Variants in CNTN5 observed in about 807,000 individuals in gnomAD.
The protein encoded by CNTN5 is contactin-5.
In CNTN5, 77 loss-of-function variants were observed where a neutral mutation model predicts 129.1. That is an observed-to-expected ratio of 0.60 (90% CI 0.50 to 0.72). The LOEUF (loss-of-function observed/expected upper bound fraction) is 0.72, where lower values mean the gene tolerates loss of function less well. Ranked by LOEUF, CNTN5 falls within the 30% of genes least tolerant of loss-of-function variation. The pLI is 0.00. For synonymous variants in CNTN5, 509 were observed against 465.6 expected (o/e 1.09, Z -1.20); for missense variants, 1,478 against 1,328.8 (o/e 1.11, Z -1.75).
intron 8 of CNTN5, among the ~76,000 whole-genome samples, chr11:99,992,067 A>C (rs1276273142): frequency 6.6e-6 from 1 of 152,226 alleles, no homozygotes; most frequent in African/African-American, 2.4e-5. Context: ...ACAGATATGA[A>C]GTATGGTTGG....
At chr11:99,859,286 G>T (rs112760499) in intron 6 of CNTN5, among the ~76,000 whole-genome samples, 7,598 of 152,160 alleles carry the variant, frequency 0.05, 242 homozygotes, top group Middle Eastern at 0.1. Flanking sequence ...TGAACTTAAC[G>T]TATGTAATAT....
intron 2 of CNTN5, among the ~76,000 whole-genome samples, chr11:99,399,469 A>T (rs1227913010): frequency 6.6e-6 from 1 of 151,772 alleles, no homozygotes; most frequent in African/African-American, 2.4e-5. Context: ...TATTAAAATT[A>T]ATTTTTAAAG....
At chr11:99,593,863 A>G (rs1950049225) in intron 3 of CNTN5, among the ~76,000 whole-genome samples, 1 of 152,190 alleles carries the variant, frequency 6.6e-6, no homozygotes, top group Non-Finnish European at 1.5e-5. Context: ...TCTCTTTCTT[A>G]TTCCCAGTGT....
chr11:100,241,949 C>T (rs1037109989), intron 16 of CNTN5, among the ~76,000 whole-genome samples: 39 of 152,172 alleles, frequency 2.6e-4, no homozygotes, highest in Non-Finnish European at 3.1e-4. Context: ...TTCCCCAAAA[C>T]AGTCCTACAG....
chr11:100,287,877 A>G (rs1011770072), intron 18 of CNTN5, among the ~76,000 whole-genome samples: 5 of 152,146 alleles, frequency 3.3e-5, no homozygotes, highest in Admixed American at 1.3e-4. Flanking sequence ...CACGTGCAGA[A>G]ACACACACAG....
At chr11:99,233,427 A>T (rs1861105464) in intron 1 of CNTN5, among the ~76,000 whole-genome samples, 2 of 152,180 alleles carry the variant, frequency 1.3e-5, no homozygotes, top group South Asian at 4.1e-4. Flanking sequence ...GTGATTTAGG[A>T]GGCACACAGG....
At chr11:100,308,645 G>T in intron 21 of CNTN5, 177 bp downstream of exon 21, 1 of 1,305,488 alleles carries the variant, frequency 7.7e-7, no homozygotes, top group Non-Finnish European at 9.8e-7. Flanking sequence ...TCATTAACTG[G>T]TTTATTTTTC....
At chr11:99,907,629 G>A (rs1050017222) in intron 6 of CNTN5, among the ~76,000 whole-genome samples, 1 of 151,166 alleles carries the variant, frequency 6.6e-6, no homozygotes, top group Non-Finnish European at 1.5e-5. Context: ...CACTATAAAA[G>A]GCTTTAAAAT....
chr11:99,100,199 A>G (rs1458424980), intron 1 of CNTN5, among the ~76,000 whole-genome samples: 1 of 152,076 alleles, frequency 6.6e-6, no homozygotes, highest in East Asian at 1.9e-4. Context: ...TTTTTTCTAC[A>G]TGTGGTTTAA....
intron 1 of CNTN5, among the ~76,000 whole-genome samples, chr11:99,153,815 C>CTTTTTTTTTTTTTTTTTTTT (rs60782977): frequency 1.9e-5 from 2 of 103,344 alleles, no homozygotes; most frequent in Non-Finnish European, 3.6e-5. Context: ...CTTTGAATGG[C>CTTTTTTTTTTTTTTTTTTTT]TTTTTTTTTT....
rs966961619 is a variant in CNTN5, at chr11:100,309,593, C to G, written c.2730+1125C>G. On this transcript the variant is annotated intron_variant, in intron 21 of 24. Transcript: ENST00000524871. ...TTTAATGTGATGAATATTTCTGTTT[C>G]TCCCAATCCATGCTTCAGGGACCAT... The G allele has an allele frequency of 3.1e-6, 3 of 983,256 alleles. No homozygotes were observed. The African/African-American group carries it at 5.3e-5, about 17-fold the overall frequency. The allele number at this position is 983,256 out of a possible 1,614,324, so 60.9% of individuals were successfully genotyped here. A position where few individuals can be genotyped will look rare whatever the true frequency, so the allele number is the denominator to read the frequency against.
chr11:100,061,336 T>G lies in CNTN5; in HGVS notation c.1105T>G (p.Cys369Gly). Reference protein sequence around the residue: ...VQLDDAGIYECRAENSRGKNS... With the variant: ...VQLDDAGIYEGRAENSRGKNS... The stretch of plus-strand genomic sequence containing the variant: ...GCTGGATGATGCAGGCATTTATGAG[T>G]GCAGAGCTGAAAACTCACGTGGAAA... The change falls in exon 10 of 25, where the codon TGC (cysteine) becomes GGC (glycine). Residue 369 changes from cysteine to glycine, a missense_variant. Coordinates refer to ENST00000524871, the MANE Select transcript of CNTN5 (RefSeq NM_014361.4). 1 of 1,610,280 alleles carries G rather than the reference T, an allele frequency of 6.2e-7. No individual in the cohort carries two copies. Among genetic ancestry groups the G allele is most frequent in the South Asian group, 1.1e-5 (1 of 90,740 alleles).
chr11:100,041,484 A>T (rs1484394901), intron 9 of CNTN5, among the ~76,000 whole-genome samples: 2 of 152,208 alleles, frequency 1.3e-5, no homozygotes, highest in African/African-American at 4.8e-5. Context: ...TTATTTCAGA[A>T]ATTTCTCTTG....
intron 9 of CNTN5, among the ~76,000 whole-genome samples, chr11:100,060,884 GC>G (rs1565203212): frequency 6.7e-6 from 1 of 150,326 alleles, no homozygotes; most frequent in Non-Finnish European, 1.5e-5. Context: ...AAGGTGATCT[GC>G]CCGCCTTGGC....
intron 3 of CNTN5, among the ~76,000 whole-genome samples, chr11:99,749,011 A>T (rs910734074): frequency 6.6e-6 from 1 of 152,156 alleles, no homozygotes; most frequent in Admixed American, 6.5e-5. Flanking sequence ...TTTCTTCATA[A>T]TTCAGTCTTT....
rs191761225 is a variant in CNTN5, at chr11:100,145,156, A to G, written c.1581-45970A>G. On this transcript the variant is annotated intron_variant, in intron 13 of 24. Transcript: ENST00000524871. ...TTTGATATATGTAAAACTCAGGATA[A>G]TCATACCTACTTTGTAGAGTTCTTG... Among the ~76,000 whole-genome samples, 19 of 152,268 alleles carry G rather than the reference A, an allele frequency of 1.2e-4. No homozygotes were observed. The East Asian group carries it at 2.5e-3, about 20-fold the overall frequency.
chr11:99,465,078 G>A (rs949458136), intron 2 of CNTN5, among the ~76,000 whole-genome samples: 8 of 152,226 alleles, frequency 5.3e-5, no homozygotes, highest in Admixed American at 4.6e-4. Flanking sequence ...GCAGAAAAAT[G>A]TATGCAAGAG....
At chr11:100,150,580 T>C (rs568317521) in intron 13 of CNTN5, among the ~76,000 whole-genome samples, 1 of 151,974 alleles carries the variant, frequency 6.6e-6, no homozygotes, top group Non-Finnish European at 1.5e-5. Context: ...TGTGCCTTTT[T>C]TTCCCTCTCA....
At chr11:100,189,090 A>G (rs1787994350) in intron 13 of CNTN5, among the ~76,000 whole-genome samples, 1 of 152,072 alleles carries the variant, frequency 6.6e-6, no homozygotes, top group Non-Finnish European at 1.5e-5. Context: ...AGAGAGGGAG[A>G]AAGTGGGGCA....
Sources: allele counts gnomAD v4.1 joint callset (sites outside exome capture counted in the v4.1 genomes callset), GRCh38; gene constraint gnomAD v4.1.1; transcripts MANE v1.5; gene names NCBI Gene and HGNC (gene_info 2026-07-23, HGNC 2026-07-21).